SGCD: variants seen among roughly 807,000 people sequenced by gnomAD.
SGCD encodes the protein sarcoglycan delta.
SGCD carries 18 observed loss-of-function variants against 36.6 expected under a neutral mutation model. That is an observed-to-expected ratio of 0.49 (90% CI 0.34 to 0.73). The LOEUF (loss-of-function observed/expected upper bound fraction) is 0.73, where lower values mean the gene tolerates loss of function less well. Among genes scored for constraint, SGCD ranks in the 30% least tolerant of loss-of-function variants. The pLI, the probability that SGCD is intolerant of heterozygous loss-of-function variation, is 0.01. For missense variants in SGCD, 387 were observed against 346.7 expected (o/e 1.12, Z -0.92); for synonymous variants, 133 against 130.6 (o/e 1.02, Z -0.12).
At chr5:156,114,991 A>C (rs577483746) in intron 1 of SGCD, among the ~76,000 whole-genome samples, 2 of 152,188 alleles carry the variant, frequency 1.3e-5, no homozygotes, top group Non-Finnish European at 2.9e-5. Context: ...ATAAAATATT[A>C]CATTTTTTAA....
intron 7 of SGCD, among the ~76,000 whole-genome samples, chr5:156,649,072 AAAG>A (rs1464046358): frequency 1.3e-5 from 2 of 152,182 alleles, no homozygotes; most frequent in East Asian, 3.9e-4. Context: ...ATAATTCTCA[AAAG>A]AAGACATTTA....
chr5:156,684,477 G>A (rs182057289), intron 7 of SGCD, among the ~76,000 whole-genome samples: 2 of 152,242 alleles, frequency 1.3e-5, no homozygotes, highest in Admixed American at 6.5e-5. Flanking sequence ...TCTCTTCCTG[G>A]ATGGCCTTTG....
intron 3 of SGCD, among the ~76,000 whole-genome samples, chr5:156,246,855 C>T (rs1459372952): frequency 6.6e-6 from 1 of 152,140 alleles, no homozygotes; most frequent in Non-Finnish European, 1.5e-5. Flanking sequence ...CCACAGATAT[C>T]ACCAGCTCGC....
chr5:155,941,537 G>T (rs1057088284), intron 1 of SGCD, among the ~76,000 whole-genome samples: 3 of 150,312 alleles, frequency 2.0e-5, no homozygotes, highest in Admixed American at 6.6e-5. Context: ...AATAACCATT[G>T]ATATTATTAT....
At chr5:156,127,876 A>G (rs1431455354) in intron 3 of SGCD, among the ~76,000 whole-genome samples, 2 of 149,472 alleles carry the variant, frequency 1.3e-5, no homozygotes, top group African/African-American at 2.4e-5. Context: ...AAAAAAAAAA[A>G]AAAACCCACC....
At chr5:156,639,483 T>TA (rs772343603) in intron 6 of SGCD, among the ~76,000 whole-genome samples, 20 of 152,166 alleles carry the variant, frequency 1.3e-4, no homozygotes, top group Non-Finnish European at 2.2e-4. Context: ...CTGGTGCCTA[T>TA]ATAAAAGTGT....
At position 156,059,303 on chromosome 5, in the gene SGCD, TA is replaced by T. The variant is rs539536889; in HGVS notation, c.-281-58574del. On this transcript the variant is annotated intron_variant, in intron 1 of 9. Transcript: ENST00000517913. ...GTAACCAGGAAAGGGAAGGCGGGTTTATTTAGCTTCTTCCTCTGCTAAGGAA... is the reference window on the plus strand; with the variant it reads ...GTAACCAGGAAAGGGAAGGCGGGTTTTTTAGCTTCTTCCTCTGCTAAGGAA... 4.8e-3 allele frequency among the ~76,000 whole-genome samples: 707 copies of T among 145,990 alleles called. 92 individuals are homozygous for T. The highest frequency in any genetic ancestry group is 8.3e-3 in the Non-Finnish European group (538 of 64,784).
At chr5:156,681,276 ATC>A (rs1435354388) in intron 7 of SGCD, among the ~76,000 whole-genome samples, 1 of 152,078 alleles carries the variant, frequency 6.6e-6, no homozygotes, top group African/African-American at 2.4e-5. Context: ...TGGGAAGGTG[ATC>A]TCTCCCAGAA....
At chr5:156,599,853 T>C (rs912221696) in intron 6 of SGCD, among the ~76,000 whole-genome samples, 1 of 152,224 alleles carries the variant, frequency 6.6e-6, no homozygotes, top group African/African-American at 2.4e-5. Flanking sequence ...AAGCTAGTGC[T>C]TTGGGTATGT....
intron 4 of SGCD, among the ~76,000 whole-genome samples, chr5:156,562,872 A>G (rs935768802): frequency 6.6e-6 from 1 of 151,556 alleles, no homozygotes; most frequent in Non-Finnish European, 1.5e-5. Flanking sequence ...CTTAAATTAT[A>G]TTTAAAGACC....
chr5:155,764,456 C>T, the SGCD span, among the ~76,000 whole-genome samples: 6 of 152,116 alleles, frequency 3.9e-5, no homozygotes, highest in Non-Finnish European at 5.9e-5. Flanking sequence ...CATCTGTGCT[C>T]GTAGGTTGCA....
chr5:156,528,679 T>C (rs955555465), intron 4 of SGCD, among the ~76,000 whole-genome samples: 3 of 152,194 alleles, frequency 2.0e-5, no homozygotes, highest in African/African-American at 7.2e-5. Flanking sequence ...GTGGAAGAGC[T>C]AAGAGAGGGC....
intron 3 of SGCD, among the ~76,000 whole-genome samples, chr5:156,411,761 C>T (rs1772770628): frequency 6.6e-6 from 1 of 152,206 alleles, no homozygotes; most frequent in African/African-American, 2.4e-5. Flanking sequence ...GAGAACACTG[C>T]AGAAATTATT....
At chr5:156,225,821 A>T (rs781538931) in intron 3 of SGCD, among the ~76,000 whole-genome samples, 24 of 152,120 alleles carry the variant, frequency 1.6e-4, no homozygotes, top group Non-Finnish European at 2.9e-4. Flanking sequence ...AAATATTAAA[A>T]AAAAAACCTT....
At chr5:155,793,090 C>A in the SGCD span, among the ~76,000 whole-genome samples, 494 of 152,222 alleles carry the variant, frequency 3.2e-3, 3 homozygotes, top group African/African-American at 0.011. Context: ...GAAATGAAAT[C>A]ATATCCTTGG....
At chr5:155,851,518 A>T in the SGCD span, among the ~76,000 whole-genome samples, 2 of 152,082 alleles carry the variant, frequency 1.3e-5, no homozygotes, top group Non-Finnish European at 2.9e-5. Flanking sequence ...GTGGAGGAAT[A>T]TGGTGTTTGT....
Position 156,212,731 on chromosome 5 carries a change from G to A in SGCD, c.-44+88712G>A, listed in dbSNP as rs142578755. 2.8e-3 allele frequency among the ~76,000 whole-genome samples: 425 copies of A among 152,086 alleles called. 2 individuals carry two copies. Among genetic ancestry groups the A allele is most frequent in the African/African-American group, 0.01 (416 of 41,526 alleles). On this transcript the variant is annotated intron_variant, in intron 3 of 9. Coordinates refer to the SGCD transcript ENST00000517913. ...TCAAGTATACGTGGAACATTTTCTC[G>A]GATAGATCACGTTAGGCCACAAAGC...
the SGCD span, among the ~76,000 whole-genome samples, chr5:155,849,436 ATG>A: frequency 7.5e-5 from 11 of 146,282 alleles, no homozygotes; most frequent in East Asian, 6.1e-4. Context: ...ACACACACAC[ATG>A]TGCGCGCGCA....
the SGCD span, among the ~76,000 whole-genome samples, chr5:155,833,054 G>GAAAA: frequency 1.7e-5 from 2 of 120,160 alleles, no homozygotes; most frequent in African/African-American, 5.8e-5. Flanking sequence ...CTAAAAATAC[G>GAAAA]AAAAAAAAAA....
Sources: gnomAD v4.1 joint callset for allele counts (sites outside exome capture counted in the v4.1 genomes callset) on GRCh38, gnomAD v4.1.1 for gene constraint, MANE v1.5 for transcripts, NCBI Gene and HGNC (gene_info 2026-07-23, HGNC 2026-07-21) for gene names.